TMPRSS11F: variants seen among roughly 807,000 people sequenced by gnomAD.
TMPRSS11F encodes the protein transmembrane serine protease 11F.
TMPRSS11F carries 47 observed loss-of-function variants against 60.2 expected under a neutral mutation model. The ratio of observed to expected loss-of-function variants is 0.78; its 90% CI spans 0.62 to 1.00. The LOEUF is 1.00. TMPRSS11F is among the 50% of genes least tolerant of loss of function. The pLI, the probability that TMPRSS11F is intolerant of heterozygous loss-of-function variation, is 0.00. For missense variants in TMPRSS11F, 519 were observed against 522.9 expected, an observed-to-expected ratio of 0.99 and a Z score of 0.07; for synonymous variants, 166 against 167.3, an observed-to-expected ratio of 0.99 and a Z score of 0.06.
At chr4:68,080,195 A>G (rs1164574072) in intron 3 of TMPRSS11F, 1 of 152,246 alleles carries the variant, frequency 6.6e-6, no homozygotes, top group Non-Finnish European at 1.5e-5. Flanking sequence ...AATCACTTAC[A>G]GAGCCACAGA....
intron 2 of TMPRSS11F, among the ~76,000 whole-genome samples, chr4:68,093,483 C>T (rs1723995783): frequency 6.6e-6 from 1 of 152,122 alleles, no homozygotes; most frequent in Non-Finnish European, 1.5e-5. Flanking sequence ...AGGACACAGG[C>T]ATGGGCAAGG....
At position 68,129,768 on chromosome 4, in the gene TMPRSS11F, G is replaced by C. The variant is rs758880833; in HGVS notation, c.11+42C>G. On this transcript the variant is annotated intron_variant, in intron 1 of 9. Coordinates refer to ENST00000356291, the MANE Select transcript of TMPRSS11F (RefSeq NM_207407.2). ...CCTGTCTCAGGAATTGTAAACCTCT[G>C]TCCCCACTGATAACCTTTACTGAGA... is the stretch of plus-strand genomic sequence containing the variant. 4 of 1,603,928 alleles carry C rather than the reference G, an allele frequency of 2.5e-6. No individual in the cohort carries two copies. In the South Asian group the frequency reaches 3.3e-5, roughly 13 times the overall value.
At chr4:68,095,182 G>A (rs1724046905) in intron 2 of TMPRSS11F, among the ~76,000 whole-genome samples, 1 of 150,982 alleles carries the variant, frequency 6.6e-6, no homozygotes, top group East Asian at 1.9e-4. Context: ...TATATTATAT[G>A]TATAACACAT....
chr4:68,082,975 C>T (rs1723736858), intron 3 of TMPRSS11F, among the ~76,000 whole-genome samples: 1 of 152,204 alleles, frequency 6.6e-6, no homozygotes, highest in Non-Finnish European at 1.5e-5. Context: ...GGGCCAGATA[C>T]TCAGGAAGCA....
chr4:68,120,039 G>A (rs965050064), intron 1 of TMPRSS11F, among the ~76,000 whole-genome samples: 7 of 152,144 alleles, frequency 4.6e-5, no homozygotes, highest in African/African-American at 1.7e-4. Flanking sequence ...CTTTAGTGGA[G>A]GAAGTAACTG....
At chr4:68,069,828 TA>T (rs1402514379) in intron 6 of TMPRSS11F, 140 bp downstream of exon 6, 19 of 538,572 alleles carry the variant, frequency 3.5e-5, no homozygotes, top group Non-Finnish European at 5.1e-5. Flanking sequence ...CTAAAAATAA[TA>T]AAAAGACTAA....
At chr4:68,114,353 A>G (rs560866281) in intron 1 of TMPRSS11F, among the ~76,000 whole-genome samples, 3 of 152,020 alleles carry the variant, frequency 2.0e-5, no homozygotes, top group Admixed American at 2.0e-4. Flanking sequence ...AGAAGGCACA[A>G]ATTTGCAACA....
intron 8 of TMPRSS11F, among the ~76,000 whole-genome samples, chr4:68,060,596 C>T (rs1723148183): frequency 7.4e-6 from 1 of 134,780 alleles, no homozygotes; most frequent in Admixed American, 7.3e-5. Context: ...ACATAAGTAT[C>T]TCTCTTTTTT....
chr4:68,090,071 A>G (rs1450708293), intron 3 of TMPRSS11F, among the ~76,000 whole-genome samples: 1 of 152,120 alleles, frequency 6.6e-6, no homozygotes, highest in Non-Finnish European at 1.5e-5. Flanking sequence ...TTTAAAAAGC[A>G]AAATATGTAA....
chr4:68,058,434 A>G (rs920270609), intron 9 of TMPRSS11F, among the ~76,000 whole-genome samples: 1 of 152,232 alleles, frequency 6.6e-6, no homozygotes, highest in Non-Finnish European at 1.5e-5. Context: ...ATGAACTGTG[A>G]GAAAACAGAG....
intron 2 of TMPRSS11F, among the ~76,000 whole-genome samples, chr4:68,097,880 A>G (rs1257927636): frequency 3.3e-5 from 5 of 152,100 alleles, no homozygotes; most frequent in African/African-American, 9.7e-5. Flanking sequence ...ATCCCCCAAT[A>G]ATGAGGGTAG....
intron 3 of TMPRSS11F, among the ~76,000 whole-genome samples, chr4:68,085,462 G>A (rs1445407615): frequency 6.6e-6 from 1 of 152,142 alleles, no homozygotes; most frequent in East Asian, 1.9e-4. Flanking sequence ...TAGTGGTTTT[G>A]ATTTGCATTT....
intron 2 of TMPRSS11F, among the ~76,000 whole-genome samples, chr4:68,095,908 A>T (rs1189128629): frequency 1.3e-5 from 2 of 151,526 alleles, no homozygotes; most frequent in African/African-American, 4.8e-5. Flanking sequence ...AAAAAAAAAA[A>T]AAAAAAAAGC....
At chr4:68,104,735 C>G (rs1724266076) in intron 1 of TMPRSS11F, among the ~76,000 whole-genome samples, 1 of 152,054 alleles carries the variant, frequency 6.6e-6, no homozygotes, top group African/African-American at 2.4e-5. Context: ...TAATGTTGAA[C>G]TTTGTCAGAG....
intron 1 of TMPRSS11F, among the ~76,000 whole-genome samples, chr4:68,102,874 C>T (rs908679766): frequency 2.3e-4 from 35 of 151,632 alleles, no homozygotes; most frequent in African/African-American, 8.2e-4. Flanking sequence ...GGTGTGATAC[C>T]CAAAAAATCA....
intron 1 of TMPRSS11F, among the ~76,000 whole-genome samples, chr4:68,118,267 C>T (rs1195711500): frequency 6.6e-6 from 1 of 152,088 alleles, no homozygotes; most frequent in Non-Finnish European, 1.5e-5. Flanking sequence ...ATTGAAAACA[C>T]CCAAATGAAT....
intron 1 of TMPRSS11F, among the ~76,000 whole-genome samples, chr4:68,118,372 A>G (rs1045943043): frequency 1.3e-5 from 2 of 152,268 alleles, no homozygotes; most frequent in South Asian, 2.1e-4. Context: ...TTTAATTCAA[A>G]CTGTATTATA....
chr4:68,084,781 T>A (rs1195972105), intron 3 of TMPRSS11F, among the ~76,000 whole-genome samples: 1 of 150,700 alleles, frequency 6.6e-6, no homozygotes, highest in Non-Finnish European at 1.5e-5. Context: ...ATGTGCACAT[T>A]GTGCAGGTTA....
intron 1 of TMPRSS11F, among the ~76,000 whole-genome samples, chr4:68,102,045 A>AAT (rs1391688043): frequency 2.0e-5 from 3 of 152,152 alleles, no homozygotes; most frequent in African/African-American, 7.2e-5. Context: ...TATTTTTTAA[A>AAT]AAATATTACA....
Sources: gnomAD v4.1 joint callset for allele counts (sites outside exome capture counted in the v4.1 genomes callset) on GRCh38, gnomAD v4.1.1 for gene constraint, MANE v1.5 for transcripts, NCBI Gene and HGNC (gene_info 2026-07-23, HGNC 2026-07-21) for gene names.